Variants in AKAP8 observed in about 807,000 individuals in gnomAD.
The protein encoded by AKAP8 is A-kinase anchor protein 8.
Under a neutral mutation model 67.5 loss-of-function variants are expected in AKAP8, and 24 were observed. The observed-to-expected ratio is 0.36, with a 90% confidence interval of 0.26 to 0.50. AKAP8 has a LOEUF of 0.50. Ranked by LOEUF, AKAP8 falls within the 20% of genes least tolerant of loss-of-function variation. AKAP8 has a pLI of 0.97. For missense variants in AKAP8, 971 were observed against 955.9 expected (o/e 1.02, Z -0.21); for synonymous variants, 400 against 371.1 (o/e 1.08, Z -0.90).
At chr19:15,361,478 G>T (rs1218655235) in intron 11 of AKAP8, 21 of 367,962 alleles carry the variant, frequency 5.7e-5, no homozygotes, top group Non-Finnish European at 1.0e-4. Context: ...AGCCTCCCAA[G>T]TAGCTGGGAC....
At chr19:15,372,714 A>G (rs1967180555) in intron 5 of AKAP8, 137 bp downstream of exon 5, 1 of 1,252,834 alleles carries the variant, frequency 8.0e-7, no homozygotes, top group Non-Finnish European at 1.0e-6. Context: ...ATGGTTGCAC[A>G]ATCCTGTAAA....
At chr19:15,363,640 A>G (rs989166055) in intron 9 of AKAP8, among the ~76,000 whole-genome samples, 2 of 151,470 alleles carry the variant, frequency 1.3e-5, no homozygotes, top group Non-Finnish European at 1.5e-5. Context: ...CCCAGCCACC[A>G]CCCTGTCTGG....
At chr19:15,365,978 C>T (rs949427116) in intron 9 of AKAP8, among the ~76,000 whole-genome samples, 7 of 149,316 alleles carry the variant, frequency 4.7e-5, no homozygotes, top group Non-Finnish European at 8.9e-5. Flanking sequence ...GAGCTGAGAT[C>T]GTGCCACTGC....
rs368892936 is a variant in AKAP8, at chr19:15,376,073, G to A, written c.58+903C>T. On this transcript the variant is annotated intron_variant, in intron 2 of 13. Coordinates refer to ENST00000269701, the MANE Select transcript of AKAP8 (RefSeq NM_005858.4). The stretch of plus-strand genomic sequence containing the variant: ...GCCTTCTGAGTGGCCGGGACTACAG[G>A]CACGCACTGCCACGCCCCACTAATT... Among the ~76,000 whole-genome samples, 3 of 152,068 alleles carry A rather than the reference G, an allele frequency of 2.0e-5. No individual in the cohort carries two copies. In the East Asian group the frequency reaches 5.8e-4, roughly 29 times the overall value.
rs547414180 is a variant in AKAP8 at position 15,370,536 on chromosome 19, T to C, written c.1039-357A>G. 3.9e-3 allele frequency among the ~76,000 whole-genome samples: 599 copies of C among 151,924 alleles called. 4 individuals carry two copies. Among genetic ancestry groups the C allele is most frequent in the Admixed American group, 6.3e-3 (96 of 15,256 alleles). Reference sequence around the variant, plus strand: ...GTTCACCAACCGTAGGGAGATAGAGTCTCACTTGGGGGATGCCAGTTCTGG... The same window carrying C: ...GTTCACCAACCGTAGGGAGATAGAGCCTCACTTGGGGGATGCCAGTTCTGG... On this transcript the variant is annotated intron_variant, in intron 7 of 13. Transcript: ENST00000269701.
At position 15,373,416 on chromosome 19, in the gene AKAP8, C is replaced by T. The variant is rs376801822; in HGVS notation, c.372-76G>A. ...CCACACTCCCTCAGTATAACCTCGA[C>T]GCCCCTACATTCAAAACAGCAAACC... On this transcript the variant is annotated intron_variant, in intron 4 of 13. Coordinates refer to ENST00000269701, the MANE Select transcript of AKAP8 (RefSeq NM_005858.4). 5.9e-4 allele frequency: 883 copies of T among 1,488,638 alleles called. 8 individuals carry two copies. The African/African-American group carries it at 8.2e-3, about 14-fold the overall frequency. 92.2% of individuals were successfully genotyped at this position (1,488,638 alleles called of 1,614,324 possible).
At chr19:15,371,507 G>A (rs898509638) in intron 7 of AKAP8, among the ~76,000 whole-genome samples, 2 of 123,660 alleles carry the variant, frequency 1.6e-5, no homozygotes, top group Non-Finnish European at 3.5e-5. Context: ...TTTTTTTTTT[G>A]AGACGGAGTC....
Position 15,360,919 on chromosome 19 carries a change from T to C in AKAP8, c.1456A>G (p.Met486Val). The change falls in exon 12 of 14, where the codon ATG becomes GTG. Residue 486 changes from methionine (M) to valine (V), a missense_variant. This residue lies in a region of AKAP8 where 763 missense variants were observed against 745.4 expected (regional missense o/e 1.02). Transcript: ENST00000269701. ...AGCTGCGGCTGTGCAGGAATTAGCA[T>C]GTCGCAGGCCAGGCAGTGAGCAGCC... The part of the protein sequence containing the change: ...IEAAHCLACD[M>V]LIPAQPQLLQ... 4 of 1,613,796 alleles carry C rather than the reference T, an allele frequency of 2.5e-6. No individual in the cohort carries two copies. Among genetic ancestry groups the C allele is most frequent in the Non-Finnish European group, 3.4e-6 (4 of 1,179,936 alleles).
chr19:15,373,608 GA>G (rs777560653), intron 4 of AKAP8, 177 bp downstream of exon 4: 257 of 963,948 alleles, frequency 2.7e-4, no homozygotes, highest in Non-Finnish European at 3.6e-4. Context: ...GCCCCGCCAT[GA>G]AGAAAAGCAA....
intron 13 of AKAP8, 63 bp from the exon 14 acceptor site, chr19:15,355,433 G>A (rs968789930): frequency 4.8e-6 from 7 of 1,467,442 alleles, no homozygotes; most frequent in South Asian, 2.5e-5. Context: ...CCATGATTGC[G>A]GGGATGTCAG....
At chr19:15,377,229 G>C (rs911740563) in intron 1 of AKAP8, among the ~76,000 whole-genome samples, 1 of 152,134 alleles carries the variant, frequency 6.6e-6, no homozygotes, top group African/African-American at 2.4e-5. Flanking sequence ...AGAAGGGTGG[G>C]AAGTGGGCTT....
intron 1 of AKAP8, among the ~76,000 whole-genome samples, chr19:15,378,499 G>T (rs560652657): frequency 1.3e-5 from 2 of 152,304 alleles, no homozygotes; most frequent in East Asian, 3.9e-4. Flanking sequence ...CTGCAGAAAA[G>T]ATCTGATGGG....
At chr19:15,362,909 T>C (rs1304664377) in intron 9 of AKAP8, among the ~76,000 whole-genome samples, 1 of 144,942 alleles carries the variant, frequency 6.9e-6, no homozygotes, top group Non-Finnish European at 1.5e-5. Flanking sequence ...ATCTAGGAAG[T>C]GAGGAGCGCC....
At position 15,354,837 on chromosome 19, in the gene AKAP8, T is replaced by C. The variant is rs2048266482; in HGVS notation, c.*78A>G. 13 of 1,537,380 alleles carry C rather than the reference T, an allele frequency of 8.5e-6. No homozygotes were observed. In the East Asian group the frequency reaches 1.6e-4, roughly 19 times the overall value. ...AGCATATTCTGGGAGCACACGCCCT[T>C]GTACTGCTTACAAACCAAGGGAGAA... On this transcript the variant is annotated 3_prime_UTR_variant, in exon 14 of 14. Transcript: ENST00000269701.
intron 9 of AKAP8, among the ~76,000 whole-genome samples, chr19:15,366,785 T>A (rs529183037): frequency 6.6e-6 from 1 of 151,744 alleles, no homozygotes; most frequent in East Asian, 1.9e-4. Flanking sequence ...AATTTTGTAT[T>A]TTTAGTAGAG....
chr19:15,373,354 A>G lies in AKAP8; in HGVS notation c.372-14T>C. ...AAGCGGAAGGAGCTGCAACAGAAGCACAGCCCATCAGGGGCGGTCACCCCG... is the reference window on the plus strand; with the variant it reads ...AAGCGGAAGGAGCTGCAACAGAAGCGCAGCCCATCAGGGGCGGTCACCCCG... On this transcript the variant is annotated splice_polypyrimidine_tract_variant and intron_variant, in intron 4 of 13. Transcript: ENST00000269701. The G allele has an allele frequency of 6.3e-7, 1 of 1,594,866 alleles. No homozygotes were observed. Among genetic ancestry groups the G allele is most frequent in the Non-Finnish European group, 8.5e-7 (1 of 1,169,992 alleles).
chr19:15,379,600 G>A (rs1599578901), intron 1 of AKAP8, 113 bp downstream of exon 1: 2 of 1,313,484 alleles, frequency 1.5e-6, no homozygotes, highest in South Asian at 1.4e-5. Context: ...GGAGGGCCCA[G>A]CTGGGGCAAC....
intron 11 of AKAP8, 144 bp from the exon 12 acceptor site, chr19:15,361,122 C>G: frequency 9.6e-7 from 1 of 1,045,434 alleles, no homozygotes; most frequent in African/African-American, 1.6e-5. Context: ...TATGGGTCAG[C>G]ACATCGGCCT....
chr19:15,358,664 T>A (rs1966916597), intron 13 of AKAP8, among the ~76,000 whole-genome samples: 1 of 152,082 alleles, frequency 6.6e-6, no homozygotes, highest in South Asian at 2.1e-4. Context: ...GGGTTTTTCT[T>A]AAAAAATCAC....
Sources: gnomAD v4.1 joint callset for allele counts (sites outside exome capture counted in the v4.1 genomes callset) on GRCh38, gnomAD v4.1.1 for gene constraint, gnomAD v4.1.1 regional missense constraint, MANE v1.5 for transcripts, NCBI Gene and HGNC (gene_info 2026-07-23, HGNC 2026-07-21) for gene names.